Variants in DCC observed in about 807,000 individuals in gnomAD.
DCC encodes the protein DCC netrin 1 receptor.
In DCC, 58 loss-of-function variants were observed where a neutral mutation model predicts 172.5. The ratio of observed to expected loss-of-function variants is 0.34; its 90% confidence interval spans 0.27 to 0.42. The LOEUF is 0.42. DCC is among the 10% of genes least tolerant of loss of function. The pLI, the probability that DCC is intolerant of heterozygous loss-of-function variation, is 1.00. For missense variants in DCC, 1,740 were observed against 1,791.0 expected (o/e 0.97, Z 0.51); for synonymous variants, 709 against 644.5 (o/e 1.10, Z -1.52).
At chr18:53,100,834 A>T (rs553889557) in intron 7 of DCC, among the ~76,000 whole-genome samples, 2 of 152,250 alleles carry the variant, frequency 1.3e-5, no homozygotes, top group Admixed American at 1.3e-4. Context: ...AAAAATGGGC[A>T]GAGGAATGGA....
intron 5 of DCC, among the ~76,000 whole-genome samples, chr18:52,950,405 T>G (rs1452312773): frequency 6.6e-6 from 1 of 152,156 alleles, no homozygotes; most frequent in Non-Finnish European, 1.5e-5. Flanking sequence ...ATCACCACAT[T>G]ATAACACATC....
chr18:52,455,127 T>A (rs907101833), intron 1 of DCC, among the ~76,000 whole-genome samples: 1 of 152,234 alleles, frequency 6.6e-6, no homozygotes, highest in Non-Finnish European at 1.5e-5. Context: ...TTATTTTTAA[T>A]CATTTTTAAA....
chr18:52,848,371 G>A (rs112030804), intron 2 of DCC, among the ~76,000 whole-genome samples: 4,076 of 152,150 alleles, frequency 0.027, 164 homozygotes, highest in African/African-American at 0.09. Flanking sequence ...ACAGGCGTGT[G>A]CTACCATGCC....
At chr18:53,291,062 G>GA (rs1488735932) in intron 12 of DCC, among the ~76,000 whole-genome samples, 1 of 152,090 alleles carries the variant, frequency 6.6e-6, no homozygotes, top group African/African-American at 2.4e-5. Context: ...CAGCCACTCA[G>GA]AAGGTTGAGG....
intron 26 of DCC, among the ~76,000 whole-genome samples, chr18:53,490,000 T>C (rs1393330): frequency 0.49 from 75,137 of 151,984 alleles, 19,876 homozygotes; most frequent in Non-Finnish European, 0.61. Context: ...CCCCACTTTC[T>C]TGTCTTTGAA....
intron 2 of DCC, among the ~76,000 whole-genome samples, chr18:52,785,903 T>C (rs1034006067): frequency 1.6e-4 from 25 of 152,100 alleles, no homozygotes; most frequent in African/African-American, 5.6e-4. Context: ...TTAGGACAAG[T>C]ATTTACCATC....
chr18:53,015,237 T>C (rs1451456845), intron 5 of DCC, among the ~76,000 whole-genome samples: 1 of 152,304 alleles, frequency 6.6e-6, no homozygotes, highest in East Asian at 1.9e-4. Flanking sequence ...ATAGCAAGTT[T>C]AAAATATGAA....
At chr18:53,438,529 G>T (rs1912086420) in intron 22 of DCC, among the ~76,000 whole-genome samples, 1 of 152,138 alleles carries the variant, frequency 6.6e-6, no homozygotes, top group African/African-American at 2.4e-5. Flanking sequence ...TGCACCCCTA[G>T]GTATACATGA....
intron 1 of DCC, among the ~76,000 whole-genome samples, chr18:52,670,874 G>A (rs1194098916): frequency 5.3e-5 from 8 of 151,952 alleles, no homozygotes; most frequent in Admixed American, 5.2e-4. Flanking sequence ...AAGCTAACAG[G>A]CTGTAGACTA....
chr18:53,241,525 G>A (rs984009557), intron 12 of DCC, among the ~76,000 whole-genome samples: 5 of 152,096 alleles, frequency 3.3e-5, no homozygotes, highest in Non-Finnish European at 5.9e-5. Context: ...GAGGTGGAGA[G>A]GAAAGAGCTA....
Position 53,409,065 on chromosome 18 carries a change from G to C in DCC, c.2936-1387G>C, listed in dbSNP as rs1279148869. 2.0e-5 allele frequency among the ~76,000 whole-genome samples: 3 copies of C among 152,118 alleles called. No individual in the cohort carries two copies. In the East Asian group the frequency reaches 5.8e-4, roughly 29 times the overall value. On this transcript the variant is annotated intron_variant, in intron 19 of 28. Transcript: ENST00000442544. The stretch of plus-strand genomic sequence containing the variant: ...GAGAGGAGAGCTTGTGATTGAGGAA[G>C]GTTTCATAGGCCAGATATACCTTAA...
intron 26 of DCC, among the ~76,000 whole-genome samples, chr18:53,495,474 G>A (rs1447896366): frequency 2.0e-5 from 3 of 151,768 alleles, no homozygotes; most frequent in Non-Finnish European, 2.9e-5. Context: ...TAGAGTTTCT[G>A]CCGAGAGATC....
At chr18:53,357,063 A>G (rs1341616919) in intron 15 of DCC, among the ~76,000 whole-genome samples, 1 of 152,336 alleles carries the variant, frequency 6.6e-6, no homozygotes, top group East Asian at 1.9e-4. Context: ...CAAGCGGGAT[A>G]CATCCACTCC....
intron 1 of DCC, among the ~76,000 whole-genome samples, chr18:52,553,571 T>A (rs533987776): frequency 1.9e-4 from 29 of 152,098 alleles, no homozygotes; most frequent in African/African-American, 6.0e-4. Context: ...AGGCACTGTG[T>A]GAATTTCTGA....
In DCC at chr18:53,226,949, T is replaced by TATATATATATATA. The variant is rs1555734428; in HGVS notation, c.1911+11352_1911+11353insATATATATATATA. Among the ~76,000 whole-genome samples the TATATATATATATA allele has an allele frequency of 1.2e-3, 55 of 47,320 alleles. 1 individual carries two copies. Among genetic ancestry groups the TATATATATATATA allele is most frequent in the Admixed American group, 1.7e-3 (9 of 5,440 alleles). The allele number at this position is 47,320 out of a possible 152,430, so 31.0% of individuals were successfully genotyped here. On this transcript the variant is annotated intron_variant, in intron 12 of 28. Transcript: ENST00000442544. ...GTGTGTGTGTGTATATATATATATA[T>TATATATATATATA]TTTTTTTTTTTTTTTTTTGAGGCAG...
rs2037668063 is a variant in DCC at position 52,786,713 on chromosome 18, C to CT, written c.412+34341dup. Among the ~76,000 whole-genome samples the CT allele has an allele frequency of 2.0e-5, 3 of 152,144 alleles. No individual in the cohort carries two copies. The South Asian group carries it at 6.2e-4, about 32-fold the overall frequency. ...TTTTCTCTTAATGTTCCAAGATAAA[C>CT]TTGGAGTTCGTGGACCTGTTAGAAA... On this transcript the variant is annotated intron_variant, in intron 2 of 28. Coordinates refer to ENST00000442544, the MANE Select transcript of DCC (RefSeq NM_005215.4).
chr18:52,978,419 T>G (rs1239850372), intron 5 of DCC, among the ~76,000 whole-genome samples: 1 of 151,848 alleles, frequency 6.6e-6, no homozygotes, highest in Non-Finnish European at 1.5e-5. Flanking sequence ...AAGAAAGAGG[T>G]GGTCGGCAGC....
At chr18:53,047,933 A>G (rs912796602) in intron 5 of DCC, among the ~76,000 whole-genome samples, 5 of 147,508 alleles carry the variant, frequency 3.4e-5, no homozygotes, top group South Asian at 2.2e-4. Context: ...GTGTGTGTGT[A>G]TAGTTTATGT....
At chr18:52,661,616 C>A (rs2035361459) in intron 1 of DCC, among the ~76,000 whole-genome samples, 1 of 152,182 alleles carries the variant, frequency 6.6e-6, no homozygotes, top group Non-Finnish European at 1.5e-5. Flanking sequence ...TTGGGAAGTG[C>A]CCAGTAAACA....
Sources: gnomAD v4.1 joint callset for allele counts (sites outside exome capture counted in the v4.1 genomes callset) on GRCh38, gnomAD v4.1.1 for gene constraint, MANE v1.5 for transcripts, NCBI Gene and HGNC (gene_info 2026-07-23, HGNC 2026-07-21) for gene names.